Variants in RNF123 observed in about 807,000 individuals in gnomAD.
RNF123 encodes the protein E3 ubiquitin-protein ligase RNF123.
RNF123 carries 86 observed loss-of-function variants against 168.5 expected under a neutral mutation model. The observed-to-expected ratio is 0.51, with a 90% CI of 0.43 to 0.61. The LOEUF (loss-of-function observed/expected upper bound fraction) is 0.61. Among genes scored for constraint, RNF123 ranks in the 20% least tolerant of loss-of-function variants. The pLI is 0.00. For missense variants in RNF123, 1,419 were observed against 1,729.7 expected, an observed-to-expected ratio of 0.82 and a Z score of 3.19; for synonymous variants, 666 against 689.1, an observed-to-expected ratio of 0.97 and a Z score of 0.52.
At chr3:49,700,163 A>G in intron 12 of RNF123, 64 bp from the exon 13 acceptor site, 2 of 1,600,716 alleles carry the variant, frequency 1.2e-6, no homozygotes, top group Non-Finnish European at 1.7e-6. Flanking sequence ...GCCATGTGCC[A>G]GGGCAGGGGT....
intron 20 of RNF123, 29 bp downstream of exon 20, chr3:49,702,782 G>T: frequency 1.2e-6 from 2 of 1,613,832 alleles, no homozygotes; most frequent in Non-Finnish European, 8.5e-7. Flanking sequence ...CCAGGTCAGT[G>T]AGGCTGGACA....
Position 49,698,791 on chromosome 3 carries a change from G to T in RNF123, c.607G>T (p.Asp203Tyr). The change falls in exon 9 of 39, where the codon GAC becomes TAC. Residue 203 changes from aspartate (D) to tyrosine (Y), a missense_variant. Physicochemically the swap from Asp to Tyr is radical, Grantham distance 160 (BLOSUM62 -3). This residue lies in a region of RNF123 where 318 missense variants were observed against 446.6 expected (regional missense o/e 0.71). Transcript: ENST00000327697. ...AAGDIVSCLI[D>Y]LDDGTLSFCL... Reference sequence around the variant, plus strand: ...GGGGGACATCGTGAGCTGCCTGATTGACCTGGATGATGGCACTCTGTCCTT... The same window carrying T: ...GGGGGACATCGTGAGCTGCCTGATTTACCTGGATGATGGCACTCTGTCCTT... 1.2e-6 allele frequency: 2 copies of T among 1,613,976 alleles called. No homozygotes were observed. Among genetic ancestry groups the T allele is most frequent in the South Asian group, 1.1e-5 (1 of 91,066 alleles).
In RNF123 at chr3:49,702,114, G is replaced by A; in HGVS notation, c.1527G>A (p.Lys509=). The A allele has an allele frequency of 6.2e-7, 1 of 1,614,194 alleles. No individual in the cohort carries two copies. The highest frequency in any genetic ancestry group is 8.5e-7 in the Non-Finnish European group (1 of 1,180,028). Residue 509 remains lysine (K), a synonymous_variant, in exon 18 of 39, where the codon AAG becomes AAA. Transcript: ENST00000327697. ...AAGAACTACAGGTCCAGATCCTGAA[G>A]CTGCTGCTGGACAATAAAGATGACA... ...VVEELQVQIL[K]LLLDNKDDNG... is the part of the protein sequence containing the mutation.
Position 49,697,146 on chromosome 3 carries a change from A to C in RNF123, c.171A>C (p.Lys57Asn), listed in dbSNP as rs573270926. ...EHAPPAATSR[K>N]PLNFQNLPEH... ...GGCAGCCTCTCACTCTCCCCAGGAA[A>C]CCCCTGAACTTCCAGAACCTGCCAG... The change falls in exon 4 of 39, where the codon AAA becomes AAC. Residue 57 changes from lysine (K) to asparagine (N), a missense_variant. Around this residue, in one of 5 missense-constraint regions of RNF123, gnomAD observed 318 missense variants for 446.6 expected, o/e 0.71. Coordinates refer to ENST00000327697, the MANE Select transcript of RNF123 (RefSeq NM_022064.5). 1 of 1,613,940 alleles carries C rather than the reference A, an allele frequency of 6.2e-7. No homozygotes were observed. Among genetic ancestry groups the C allele is most frequent in the South Asian group, 1.1e-5 (1 of 91,054 alleles).
At chr3:49,704,091 G>A (rs2054464412) in intron 21 of RNF123, among the ~76,000 whole-genome samples, 1 of 152,208 alleles carries the variant, frequency 6.6e-6, no homozygotes, top group Non-Finnish European at 1.5e-5. Context: ...CAGGGAGAGG[G>A]GCTGCAGGAG....
In RNF123 at chr3:49,699,199, G is replaced by A. The variant is rs2054326451; in HGVS notation, c.764+94G>A. 6.8e-7 allele frequency: 1 copy of A among 1,481,170 alleles called. No individual in the cohort carries two copies. 91.8% of individuals were successfully genotyped at this position (1,481,170 alleles called of 1,614,324 possible). On this transcript the variant is annotated intron_variant, in intron 10 of 38. Transcript: ENST00000327697. The surrounding 1 kb of genome is among the most constrained non-coding windows in gnomAD (Gnocchi z 4.8). ...TACCCCAGGGGTGCCATGGGCTGGT[G>A]GCAGGCCCTGGCTGCTGCAGAGTTA...
intron 35 of RNF123, chr3:49,719,283 G>A (rs2080331679): frequency 1.9e-6 from 3 of 1,613,084 alleles, no homozygotes; most frequent in East Asian, 2.2e-5. Context: ...CCGCAGTAGC[G>A]GCAGGTAACT....
chr3:49,701,513 G>A lies in RNF123; in HGVS notation c.1300G>A (p.Val434Ile), dbSNP rs751933046. The change falls in exon 16 of 39, where the codon GTC becomes ATC. Residue 434 changes from valine to isoleucine, a missense_variant. Physicochemically the swap from Val to Ile is conservative, Grantham distance 29 (BLOSUM62 3). Transcript: ENST00000327697. ...CAGCTTCGACGTGCTCCGCTCCGTC[G>A]TCTTCTTTTACATCAAGAGCCCCCT... ...NVLFDVLRSVVFFYIKSPLRV... is the reference protein window; with the variant it reads ...NVLFDVLRSVIFFYIKSPLRV... 23 of 1,613,748 alleles carry A rather than the reference G, an allele frequency of 1.4e-5. No homozygotes were observed. Among genetic ancestry groups the A allele is most frequent in the East Asian group, 6.7e-5 (3 of 44,882 alleles).
rs2080395129 is a variant in RNF123 at position 49,721,093 on chromosome 3, A to C, written c.3812A>C (p.His1271Pro). 6.2e-7 allele frequency: 1 copy of C among 1,613,876 alleles called. No individual in the cohort carries two copies. Among genetic ancestry groups the C allele is most frequent in the African/African-American group, 1.3e-5 (1 of 74,916 alleles). The change falls in exon 38 of 39, where the codon CAC becomes CCC. Residue 1271 changes from histidine to proline, a missense_variant. His to Pro is a moderately conservative substitution (Grantham distance 77, BLOSUM62 -2). This residue lies in a region of RNF123 where 50 missense variants were observed against 77.2 expected (regional missense o/e 0.65). Transcript: ENST00000327697. ...PISAVFQPCGHKSCKACINQH... is the reference protein window; with the variant it reads ...PISAVFQPCGPKSCKACINQH... Reference sequence around the variant, plus strand: ...TCTGCTGTGTTCCAGCCCTGTGGCCACAAGTCCTGCAAGTAAGTGGGCCCC... The same window carrying C: ...TCTGCTGTGTTCCAGCCCTGTGGCCCCAAGTCCTGCAAGTAAGTGGGCCCC...
intron 4 of RNF123, 32 bp from the exon 5 acceptor site, chr3:49,697,331 A>G (rs752345186): frequency 6.2e-7 from 1 of 1,601,388 alleles, no homozygotes; most frequent in Non-Finnish European, 8.5e-7. Flanking sequence ...CAAATGCTCC[A>G]CCCTGCCTGA....
intron 14 of RNF123, 32 bp from the exon 15 acceptor site, chr3:49,700,604 G>T (rs775873810): frequency 1.9e-6 from 3 of 1,613,958 alleles, no homozygotes; most frequent in African/African-American, 2.7e-5. Flanking sequence ...CCTGGGACTC[G>T]CCTGTCCACT....
chr3:49,695,967 C>CCGGAG (rs2108176801), intron 3 of RNF123, among the ~76,000 whole-genome samples: 1 of 152,218 alleles, frequency 6.6e-6, no homozygotes, highest in East Asian at 1.9e-4. Context: ...GTCATGTGCT[C>CCGGAG]CGCTGACCAT....
At chr3:49,718,090 G>C in intron 35 of RNF123, 1 of 1,613,612 alleles carries the variant, frequency 6.2e-7, no homozygotes, top group South Asian at 1.1e-5. Flanking sequence ...CCTCCGGCCT[G>C]GCTCCAGAAA....
rs372415898 is a variant in RNF123 at position 49,705,030 on chromosome 3, G to A, written c.2006G>A (p.Arg669Gln). 8.1e-5 allele frequency: 131 copies of A among 1,609,788 alleles called. No homozygotes were observed. In the South Asian group the frequency reaches 1.3e-3, roughly 15 times the overall value. ...LAVGGPLPLPRPGWLSSPTLG... is the reference protein window; with the variant it reads ...LAVGGPLPLPQPGWLSSPTLG... ...GTTGGGGGGCCACTGCCCCTGCCCC[G>A]GCCCGGCTGGCTCAGTTCTCCAACT... The change falls in exon 23 of 39, where the codon CGG becomes CAG. Residue 669 changes from arginine (R) to glutamine (Q), a missense_variant. This residue lies in a region of RNF123 where 538 missense variants were observed against 708.8 expected (regional missense o/e 0.76). Coordinates refer to ENST00000327697, the MANE Select transcript of RNF123 (RefSeq NM_022064.5).
chr3:49,711,444 C>T (rs575641449), intron 26 of RNF123, among the ~76,000 whole-genome samples: 1 of 152,322 alleles, frequency 6.6e-6, no homozygotes, highest in East Asian at 1.9e-4. Flanking sequence ...CGGCACATTT[C>T]CATCTCCTTT....
intron 20 of RNF123, among the ~76,000 whole-genome samples, chr3:49,703,016 G>GC (rs372952735): frequency 3.3e-5 from 5 of 152,232 alleles, no homozygotes; most frequent in Admixed American, 2.6e-4. Context: ...TTCCGTCCTT[G>GC]CCCCCCCATT....
At position 49,698,089 on chromosome 3, in the gene RNF123, G is replaced by C. The variant is rs746934045; in HGVS notation, c.435G>C (p.Gly145=). The C allele has an allele frequency of 1.2e-6, 2 of 1,614,040 alleles. No individual in the cohort carries two copies. Among genetic ancestry groups the C allele is most frequent in the Non-Finnish European group, 1.7e-6 (2 of 1,179,994 alleles). The part of the protein sequence containing the change: ...WLYEVLISSQ[G]LMQIGWCTIS... Reference sequence around the variant, plus strand: ...ACGAGGTCCTCATCTCCTCCCAGGGGCTCATGCAGATCGGCTGGTGCACCA... The same window carrying C: ...ACGAGGTCCTCATCTCCTCCCAGGGCCTCATGCAGATCGGCTGGTGCACCA... The change falls in exon 7 of 39, where the codon GGG becomes GGC. Residue 145 remains glycine (G), a synonymous_variant. Transcript: ENST00000327697.
chr3:49,717,344 A>T (rs2080268305), intron 35 of RNF123: 1 of 157,746 alleles, frequency 6.3e-6, no homozygotes, highest in African/African-American at 2.4e-5. Context: ...AGCTTTCAGG[A>T]GGTTGGGTGT....
At chr3:49,695,668 T>C (rs1016610765) in intron 3 of RNF123, among the ~76,000 whole-genome samples, 1 of 152,160 alleles carries the variant, frequency 6.6e-6, no homozygotes, top group Non-Finnish European at 1.5e-5. Context: ...CCAACCTTTG[T>C]CCCCTTCCAG....
Sources: gnomAD v4.1 joint callset for allele counts (sites outside exome capture counted in the v4.1 genomes callset) on GRCh38, gnomAD v4.1.1 for gene constraint, gnomAD v4.1.1 regional missense constraint, Gnocchi (gnomAD v3.1) non-coding constraint, MANE v1.5 for transcripts, NCBI Gene and HGNC (gene_info 2026-07-23, HGNC 2026-07-21) for gene names.